DRC9: variants seen among roughly 807,000 people sequenced by gnomAD.
DRC9 encodes the protein dynein regulatory complex subunit 9.
chr3:197,929,721 TG>T, the DRC9 span, among the ~76,000 whole-genome samples: 1 of 151,814 alleles, frequency 6.6e-6, no homozygotes, highest in South Asian at 2.1e-4. The surrounding 1 kb of genome is among the most constrained non-coding windows in gnomAD (Gnocchi z 4.6). Context: ...CAGTGGGCTA[TG>T]ATCATGCCAC....
the DRC9 span, among the ~76,000 whole-genome samples, chr3:197,948,386 G>A: frequency 2.3e-3 from 347 of 152,276 alleles, 4 homozygotes; most frequent in Non-Finnish European, 3.6e-3. Flanking sequence ...CTACTTTCCC[G>A]CAGAGCTGTG....
At chr3:197,950,607 G>A in the DRC9 span, 1 of 396,064 alleles carries the variant, frequency 2.5e-6, no homozygotes, top group South Asian at 3.4e-5. Flanking sequence ...TTACGTGTGT[G>A]TTTCTCTTTA....
At chr3:197,920,163 C>T in the DRC9 span, among the ~76,000 whole-genome samples, 1 of 151,828 alleles carries the variant, frequency 6.6e-6, no homozygotes, top group African/African-American at 2.4e-5. Flanking sequence ...GAGCTGAGAT[C>T]GCGGCACTGC....
At chr3:197,949,116 A>G in the DRC9 span, among the ~76,000 whole-genome samples, 1 of 152,178 alleles carries the variant, frequency 6.6e-6, no homozygotes, top group East Asian at 1.9e-4. Flanking sequence ...AGAAATTATC[A>G]TCTTCTAACG....
the DRC9 span, chr3:197,950,598 T>G: frequency 2.6e-6 from 1 of 384,182 alleles, no homozygotes; most frequent in African/African-American, 2.0e-5. Flanking sequence ...ATAAAAGTCT[T>G]ACGTGTGTGT....
chr3:197,956,095 C>CACAGGCTCA, the DRC9 span: 1 of 330,438 alleles, frequency 3.0e-6, no homozygotes, highest in Non-Finnish European at 5.8e-6. Flanking sequence ...TAGCTGGGAC[C>CACAGGCTCA]ACAGGCTCAT....
the DRC9 span, among the ~76,000 whole-genome samples, chr3:197,931,688 A>C: frequency 6.6e-6 from 1 of 151,738 alleles, no homozygotes; most frequent in East Asian, 1.9e-4. Flanking sequence ...GCTCACTACA[A>C]GCTCTGCCTC....
chr3:197,945,786 G>A, the DRC9 span: 31 of 599,480 alleles, frequency 5.2e-5, no homozygotes, highest in East Asian at 3.5e-4. Context: ...AAATGATTAC[G>A]GGAGCTGTGA....
chr3:197,912,727 T>G, the DRC9 span: 1 of 1,613,928 alleles, frequency 6.2e-7, no homozygotes, highest in Non-Finnish European at 8.5e-7. Context: ...CCGGGCCTCT[T>G]CTTCGGTTTT....
chr3:197,893,239 C>T, the DRC9 span, among the ~76,000 whole-genome samples: 2 of 151,644 alleles, frequency 1.3e-5, no homozygotes, highest in African/African-American at 4.9e-5. Flanking sequence ...TACCTGTAAT[C>T]CCAGCTACTA....
At chr3:197,893,155 C>T in the DRC9 span, among the ~76,000 whole-genome samples, 7 of 151,264 alleles carry the variant, frequency 4.6e-5, no homozygotes, top group African/African-American at 1.7e-4. Context: ...GTCAGGAGTT[C>T]GAGACCAGTC....
the DRC9 span, among the ~76,000 whole-genome samples, chr3:197,927,848 G>A: frequency 1.6e-4 from 24 of 151,528 alleles, no homozygotes; most frequent in African/African-American, 4.8e-4. Context: ...TCAGCAAACT[G>A]TCACAAGGAC....
At chr3:197,895,480 C>G in the DRC9 span, among the ~76,000 whole-genome samples, 1 of 152,034 alleles carries the variant, frequency 6.6e-6, no homozygotes, top group African/African-American at 2.4e-5. Flanking sequence ...TTATGTTGCC[C>G]AGGCTGATCT....
chr3:197,901,427 C>T, the DRC9 span, among the ~76,000 whole-genome samples: 2 of 152,262 alleles, frequency 1.3e-5, no homozygotes, highest in African/African-American at 2.4e-5. The surrounding 1 kb of genome is among the most constrained non-coding windows in gnomAD (Gnocchi z 4.4). Context: ...CATGAGCCAC[C>T]GCCCCCGGCC....
chr3:197,904,101 TATATA>T, the DRC9 span, among the ~76,000 whole-genome samples: 22 of 45,832 alleles, frequency 4.8e-4, no homozygotes, highest in Non-Finnish European at 8.7e-4. Flanking sequence ...TATATATATA[TATATA>T]TATATTTTTT....
the DRC9 span, among the ~76,000 whole-genome samples, chr3:197,944,940 G>T: frequency 2.6e-5 from 4 of 152,176 alleles, no homozygotes; most frequent in Non-Finnish European, 4.4e-5. Flanking sequence ...ATTTGAATTT[G>T]AGCCAAAATT....
chr3:197,950,982 C>A, the DRC9 span: 1 of 1,613,194 alleles, frequency 6.2e-7, no homozygotes, highest in Non-Finnish European at 8.5e-7. Flanking sequence ...CTGGAAGGTA[C>A]GCGTTTTAAA....
At chr3:197,889,892 G>A in the DRC9 span, among the ~76,000 whole-genome samples, 2,089 of 152,258 alleles carry the variant, frequency 0.014, 23 homozygotes, top group East Asian at 0.041. Flanking sequence ...TGCAGGACCC[G>A]GAGCTTAAGC....
the DRC9 span, among the ~76,000 whole-genome samples, chr3:197,952,947 C>T: frequency 1.9e-4 from 29 of 150,950 alleles, 1 homozygote; most frequent in Admixed American, 7.3e-4. Flanking sequence ...ATTACAGGCG[C>T]GCACCACCAC....
Sources: gnomAD v4.1 joint callset for allele counts (sites outside exome capture counted in the v4.1 genomes callset) on GRCh38, gnomAD v4.1.1 for gene constraint, Gnocchi (gnomAD v3.1) non-coding constraint, MANE v1.5 for transcripts, NCBI Gene and HGNC (gene_info 2026-07-23, HGNC 2026-07-21) for gene names.